The following PCDH11Y variants were observed in gnomAD, a reference collection of about 807,000 sequenced individuals.
The protein encoded by PCDH11Y is protocadherin-11 Y-linked.
For synonymous variants in PCDH11Y, 9 were observed against 83.6 expected (o/e 0.11, Z 4.87); for missense variants, 12 against 224.8 (o/e 0.05, Z 6.05).
chrY:5,617,234 T>TA (rs2053494546), intron 4 of PCDH11Y, among the ~76,000 whole-genome samples: 7 of 33,693 alleles, frequency 2.1e-4, no homozygotes, highest in African/African-American at 8.1e-4. Context: ...AACAGTTTAT[T>TA]AACTTTTTGC....
At chrY:5,229,898 A>G in intron 2 of PCDH11Y, among the ~76,000 whole-genome samples, 1 of 31,978 alleles carries the variant, frequency 3.1e-5, no homozygotes, top group Non-Finnish European at 7.6e-5. Context: ...TTATGTATCC[A>G]TTATATGCTT....
intron 2 of PCDH11Y, among the ~76,000 whole-genome samples, chrY:5,223,256 T>C: frequency 3.0e-5 from 1 of 33,065 alleles, no homozygotes; most frequent in South Asian, 6.7e-4. Context: ...ACATTATATT[T>C]ATACATTTAT....
chrY:5,535,994 G>A (rs1602939675), intron 3 of PCDH11Y, among the ~76,000 whole-genome samples: 25 of 32,397 alleles, frequency 7.7e-4, no homozygotes, highest in Admixed American at 2.5e-3. Flanking sequence ...GCGCGATATC[G>A]GCTCACTGCA....
At chrY:5,005,312 T>C in intron 1 of PCDH11Y, among the ~76,000 whole-genome samples, 2 of 33,679 alleles carry the variant, frequency 5.9e-5, no homozygotes, top group Non-Finnish European at 1.5e-4. Context: ...AAGAAGATAA[T>C]GTAACATCCA....
chrY:5,012,926 T>A, intron 1 of PCDH11Y, among the ~76,000 whole-genome samples: 1 of 26,954 alleles, frequency 3.7e-5, no homozygotes, highest in Non-Finnish European at 8.8e-5. Context: ...CTCGGCTCAC[T>A]GCAAGCTCCG....
At chrY:5,561,862 G>A in intron 3 of PCDH11Y, among the ~76,000 whole-genome samples, 1 of 30,236 alleles carries the variant, frequency 3.3e-5, no homozygotes, top group Admixed American at 3.1e-4. Context: ...ATATGTGTGT[G>A]TGGTGGAGAA....
intron 2 of PCDH11Y, among the ~76,000 whole-genome samples, chrY:5,347,216 C>T (rs1602908908): frequency 3.4e-4 from 11 of 32,529 alleles, no homozygotes; most frequent in African/African-American, 1.3e-3. Context: ...TTTGGTAGGC[C>T]GAGGCGAGTA....
chrY:5,597,341 A>ATG (rs2053468265), intron 4 of PCDH11Y, among the ~76,000 whole-genome samples: 1 of 28,054 alleles, frequency 3.6e-5, no homozygotes, highest in Non-Finnish European at 8.3e-5. Flanking sequence ...ATATATACGT[A>ATG]TATATATGTG....
At chrY:5,602,364 A>G in intron 4 of PCDH11Y, among the ~76,000 whole-genome samples, 2 of 31,718 alleles carry the variant, frequency 6.3e-5, no homozygotes, top group Admixed American at 5.9e-4. Flanking sequence ...TGTCCAAAAA[A>G]AGAAAACAAG....
At chrY:5,447,783 C>A in intron 2 of PCDH11Y, among the ~76,000 whole-genome samples, 1 of 32,860 alleles carries the variant, frequency 3.0e-5, no homozygotes, top group African/African-American at 1.2e-4. Flanking sequence ...TTGTAGACAG[C>A]CAGGACAAGT....
intron 1 of PCDH11Y, among the ~76,000 whole-genome samples, chrY:5,095,062 AT>A (rs2052748049): frequency 3.0e-5 from 1 of 33,266 alleles, no homozygotes; most frequent in Non-Finnish European, 7.5e-5. Context: ...TAAAACCTAA[AT>A]ATATAAACAA....
At chrY:5,288,432 G>C in intron 2 of PCDH11Y, among the ~76,000 whole-genome samples, 1 of 31,986 alleles carries the variant, frequency 3.1e-5, no homozygotes, top group Non-Finnish European at 7.5e-5. Flanking sequence ...GCACTCTTGG[G>C]CTGTGTGCTC....
chrY:5,320,635 T>C, intron 2 of PCDH11Y, among the ~76,000 whole-genome samples: 1 of 33,697 alleles, frequency 3.0e-5, no homozygotes. Context: ...TAGTTACTTA[T>C]GTTGTTATCA....
intron 3 of PCDH11Y, among the ~76,000 whole-genome samples, chrY:5,525,080 A>G (rs2053385365): frequency 1.7e-3 from 33 of 19,894 alleles, no homozygotes; most frequent in Admixed American, 3.5e-3. Context: ...ATGCTGTTTC[A>G]GAGAAGTATA....
At chrY:5,373,718 TTATATA>T (rs1602914407) in intron 2 of PCDH11Y, among the ~76,000 whole-genome samples, 5 of 24,880 alleles carry the variant, frequency 2.0e-4, no homozygotes, top group African/African-American at 7.3e-4. Context: ...ACTTATATGT[TTATATA>T]TATATATATG....
At chrY:5,122,875 T>C in intron 2 of PCDH11Y, among the ~76,000 whole-genome samples, 1 of 31,654 alleles carries the variant, frequency 3.2e-5, no homozygotes, top group Non-Finnish European at 7.7e-5. Flanking sequence ...TTCTAATTCA[T>C]GAACTACATT....
chrY:5,435,353 G>T (rs2053273478), intron 2 of PCDH11Y, among the ~76,000 whole-genome samples: 6 of 21,601 alleles, frequency 2.8e-4, no homozygotes, highest in Admixed American at 5.0e-4. Context: ...TCGCTCTGTC[G>T]CCCAGGCTGG....
chrY:5,732,645 A>G, intron 4 of PCDH11Y, among the ~76,000 whole-genome samples: 1 of 31,565 alleles, frequency 3.2e-5, no homozygotes, highest in African/African-American at 1.3e-4. Flanking sequence ...ATTTTGTATT[A>G]TATCTCTCAG....
intron 1 of PCDH11Y, among the ~76,000 whole-genome samples, chrY:5,015,176 A>G: frequency 2.9e-5 from 1 of 33,971 alleles, no homozygotes; most frequent in Admixed American, 2.7e-4. Flanking sequence ...ACATATAACC[A>G]TTTAACACTT....
Sources: gnomAD v4.1 joint callset for allele counts (sites outside exome capture counted in the v4.1 genomes callset) on GRCh38, gnomAD v4.1.1 for gene constraint, MANE v1.5 for transcripts, NCBI Gene and HGNC (gene_info 2026-07-23, HGNC 2026-07-21) for gene names.